The following LARGE1 variants were observed in gnomAD, a reference collection of about 807,000 sequenced individuals.
LARGE1 encodes xylosyl- and glucuronyltransferase LARGE1.
A neutral mutation model predicts 87.6 loss-of-function variants in LARGE1; 43 were observed. The ratio of observed to expected loss-of-function variants is 0.49; its 90% CI spans 0.38 to 0.63. The LOEUF (loss-of-function observed/expected upper bound fraction) is 0.63, where lower values mean the gene tolerates loss of function less well. LARGE1 is among the 30% of genes least tolerant of loss of function. The pLI is 0.00. For synonymous variants in LARGE1, 434 were observed against 394.6 expected (o/e 1.10, Z -1.18); for missense variants, 802 against 1,000.2 (o/e 0.80, Z 2.67).
intron 11 of LARGE1, among the ~76,000 whole-genome samples, chr22:33,244,458 TCTGA>T (rs1926664529): frequency 6.6e-6 from 1 of 152,176 alleles, no homozygotes; most frequent in South Asian, 2.1e-4. Flanking sequence ...AATCCAAGCC[TCTGA>T]CTTTTTATGC....
chr22:33,823,993 C>G (rs1601704579), intron 1 of LARGE1, among the ~76,000 whole-genome samples: 1 of 152,162 alleles, frequency 6.6e-6, no homozygotes, highest in South Asian at 2.1e-4. Flanking sequence ...AACTTCAAGC[C>G]ATCATGGTAA....
At chr22:33,760,408 G>C (rs2084679449) in intron 2 of LARGE1, among the ~76,000 whole-genome samples, 1 of 152,004 alleles carries the variant, frequency 6.6e-6, no homozygotes, top group South Asian at 2.1e-4. Context: ...TTGCCTCCCT[G>C]CGCTCGGCCC....
At chr22:33,572,437 C>T (rs945022746) in intron 5 of LARGE1, among the ~76,000 whole-genome samples, 1 of 152,144 alleles carries the variant, frequency 6.6e-6, no homozygotes, top group African/African-American at 2.4e-5. Flanking sequence ...CTGACTCTAC[C>T]ACAACCAGCC....
chr22:33,490,564 T>C (rs2148283444), intron 6 of LARGE1, among the ~76,000 whole-genome samples: 1 of 152,342 alleles, frequency 6.6e-6, no homozygotes, highest in East Asian at 1.9e-4. Flanking sequence ...ACTCCATTCA[T>C]TATCCAGTAC....
intron 9 of LARGE1, among the ~76,000 whole-genome samples, chr22:33,355,312 CCT>C (rs1312137688): frequency 1.3e-5 from 2 of 152,148 alleles, no homozygotes; most frequent in Non-Finnish European, 2.9e-5. Context: ...TTCTGTATCC[CCT>C]GTTTGTAAGG....
At chr22:33,641,085 TC>T (rs76337584) in intron 3 of LARGE1, among the ~76,000 whole-genome samples, 8,331 of 152,246 alleles carry the variant, frequency 0.055, 316 homozygotes, top group East Asian at 0.16. Context: ...AGACTCCGCC[TC>T]CTCAAGTGGG....
chr22:33,393,506 A>C (rs2065605261), intron 7 of LARGE1, among the ~76,000 whole-genome samples: 1 of 152,250 alleles, frequency 6.6e-6, no homozygotes, highest in African/African-American at 2.4e-5. Context: ...AAGTTATGAA[A>C]ATGGTTCCAT....
rs181944483 is a variant in LARGE1 at position 33,471,524 on chromosome 22, T to C, written c.788-39259A>G. On this transcript the variant is annotated intron_variant, in intron 6 of 14. Coordinates refer to ENST00000397394, the MANE Select transcript of LARGE1 (RefSeq NM_133642.5). ...TCTTATGGTCTCTTCTCTCTCATCA[T>C]GAATTTTTTTGTATTTTATTTATTG... 2.6e-3 allele frequency among the ~76,000 whole-genome samples: 400 copies of C among 152,338 alleles called. 2 individuals carry two copies. Among genetic ancestry groups the C allele is most frequent in the Middle Eastern group, 6.8e-3 (2 of 294 alleles).
At chr22:33,270,846 G>A (rs1014445614), downstream of LARGE1, among the ~76,000 whole-genome samples, 2 of 152,180 alleles carry the variant, frequency 1.3e-5, no homozygotes, top group African/African-American at 4.8e-5. Context: ...AGTCAACTCA[G>A]CAAATATGTG....
At chr22:33,349,496 C>A (rs913375661) in intron 9 of LARGE1, among the ~76,000 whole-genome samples, 1 of 152,140 alleles carries the variant, frequency 6.6e-6, no homozygotes, top group Non-Finnish European at 1.5e-5. Flanking sequence ...GTCCAACATC[C>A]CGGACTGCTG....
chr22:33,427,743 G>A (rs2066928738), intron 7 of LARGE1, among the ~76,000 whole-genome samples: 1 of 152,222 alleles, frequency 6.6e-6, no homozygotes, highest in South Asian at 2.1e-4. Flanking sequence ...TTTACCCCAG[G>A]CACACGTGGC....
At chr22:33,463,699 G>C (rs182861400) in intron 6 of LARGE1, among the ~76,000 whole-genome samples, 1 of 152,116 alleles carries the variant, frequency 6.6e-6, no homozygotes. Context: ...TTGAGACAGA[G>C]TCTTACTCTG....
intron 13 of LARGE1, among the ~76,000 whole-genome samples, chr22:33,278,551 TCTCA>T (rs1051937344): frequency 5.1e-4 from 64 of 126,706 alleles, no homozygotes; most frequent in Admixed American, 2.0e-3. Context: ...AATCTCTCTC[TCTCA>T]CACACACACA....
At chr22:33,101,468 C>T in the LARGE1 span, among the ~76,000 whole-genome samples, 22,306 of 152,158 alleles carry the variant, frequency 0.15, 2,110 homozygotes, top group East Asian at 0.41. Context: ...GGTTCGATTG[C>T]AAGCCTCCTT....
intron 11 of LARGE1, among the ~76,000 whole-genome samples, chr22:33,201,205 G>A (rs933237422): frequency 1.1e-4 from 17 of 152,152 alleles, no homozygotes; most frequent in Admixed American, 9.8e-4. Flanking sequence ...CTACTTGGGA[G>A]GCTGAGGCAG....
At chr22:33,335,021 T>C (rs1449399534) in intron 10 of LARGE1, among the ~76,000 whole-genome samples, 1 of 152,194 alleles carries the variant, frequency 6.6e-6, no homozygotes, top group African/African-American at 2.4e-5. Context: ...CTTATAACAC[T>C]GAGCAGCAGC....
chr22:33,174,215 A>G (rs941363921), intron 11 of LARGE1, among the ~76,000 whole-genome samples: 3 of 152,204 alleles, frequency 2.0e-5, no homozygotes, highest in Admixed American at 2.0e-4. Context: ...CTACATGAAA[A>G]CTGAACAACC....
At chr22:33,404,418 AG>A (rs2066027151) in intron 7 of LARGE1, among the ~76,000 whole-genome samples, 1 of 152,354 alleles carries the variant, frequency 6.6e-6, no homozygotes, top group South Asian at 2.1e-4. Flanking sequence ...AATAAATGTT[AG>A]CTAGGACTAT....
intron 9 of LARGE1, among the ~76,000 whole-genome samples, chr22:33,358,455 C>T (rs1034362047): frequency 2.0e-5 from 3 of 152,146 alleles, no homozygotes; most frequent in Admixed American, 1.3e-4. Flanking sequence ...CCCTCATCTT[C>T]CCCCAAAGAT....
Sources: gnomAD v4.1 joint callset for allele counts (sites outside exome capture counted in the v4.1 genomes callset) on GRCh38, gnomAD v4.1.1 for gene constraint, MANE v1.5 for transcripts, NCBI Gene and HGNC (gene_info 2026-07-23, HGNC 2026-07-21) for gene names.